The following NEDD4 variants were observed in gnomAD, a reference collection of about 807,000 sequenced individuals.
The protein encoded by NEDD4 is NEDD4 E3 ubiquitin protein ligase.
NEDD4 carries 99 observed loss-of-function variants against 144.9 expected under a neutral mutation model. That is an observed-to-expected ratio of 0.68 (90% CI 0.58 to 0.81). The LOEUF (loss-of-function observed/expected upper bound fraction) is 0.81, where lower values mean the gene tolerates loss of function less well. Among genes scored for constraint, NEDD4 ranks in the 30% least tolerant of loss-of-function variants. The pLI, the probability that NEDD4 is intolerant of heterozygous loss-of-function variation, is 0.00. For missense variants in NEDD4, 985 were observed against 1,065.9 expected, an observed-to-expected ratio of 0.92 and a Z score of 1.06; for synonymous variants, 318 against 350.6, an observed-to-expected ratio of 0.91 and a Z score of 1.04.
chr15:55,988,487 T>TAAAAAAAA (rs56688563), intron 1 of NEDD4, among the ~76,000 whole-genome samples: 108 of 101,596 alleles, frequency 1.1e-3, no homozygotes, highest in Middle Eastern at 6.8e-3. Flanking sequence ...AAAAAAAAAT[T>TAAAAAAAA]AAAAAAAAAA....
intron 2 of NEDD4, among the ~76,000 whole-genome samples, chr15:55,958,305 C>T (rs143087964): frequency 3.9e-5 from 6 of 152,234 alleles, no homozygotes; most frequent in Admixed American, 3.9e-4. Flanking sequence ...TTCTACTTTA[C>T]TGTATTAATA....
Position 55,966,696 on chromosome 15 carries a change from C to G in NEDD4, c.46-150G>C, listed in dbSNP as rs12437795. The G allele has an allele frequency of 0.13, 56,534 of 431,878 alleles. 4,291 individuals carry two copies. The highest frequency in any genetic ancestry group is 0.31 in the East Asian group (7,904 of 25,802). 26.8% of individuals were successfully genotyped at this position (431,878 alleles called of 1,614,324 possible). On this transcript the variant is annotated intron_variant, in intron 1 of 28. Coordinates refer to ENST00000435532, the MANE Select transcript of NEDD4 (RefSeq NM_006154.4). ...ATAATTAATTTTATTAAAAGTTACA[C>G]GGGAAAAAAAGAAAATTATTTGTAG...
At chr15:55,880,151 G>GCA (rs2035133676) in intron 5 of NEDD4, among the ~76,000 whole-genome samples, 1 of 152,108 alleles carries the variant, frequency 6.6e-6, no homozygotes. Flanking sequence ...AATCAGCAGG[G>GCA]CATAGTGGTA....
At chr15:55,902,887 G>A (rs189138969) in intron 5 of NEDD4, among the ~76,000 whole-genome samples, 2 of 152,208 alleles carry the variant, frequency 1.3e-5, no homozygotes, top group East Asian at 1.9e-4. Context: ...TGTAATCGCC[G>A]CTAGTCAGGA....
chr15:55,850,781 A>G (rs767471114), intron 13 of NEDD4, 39 bp from the exon 14 acceptor site: 1 of 1,560,464 alleles, frequency 6.4e-7, no homozygotes, highest in Non-Finnish European at 8.7e-7. Flanking sequence ...TATTTTATAG[A>G]GAGAACTCAC....
rs1307220250 is a variant in NEDD4 at position 55,839,702 on chromosome 15, G to T, written c.2031+745C>A. Among the ~76,000 whole-genome samples, 4 of 151,884 alleles carry T rather than the reference G, an allele frequency of 2.6e-5. No homozygotes were observed. The East Asian group carries it at 7.8e-4, about 29-fold the overall frequency. The stretch of plus-strand genomic sequence containing the variant: ...TAAAAAATATACACCATTTGGCCAG[G>T]TGCGGTGGCTCATGCCTGTAATCCC... On this transcript the variant is annotated intron_variant, in intron 21 of 28. Transcript: ENST00000435532.
chr15:55,945,269 A>C (rs1049868487), intron 4 of NEDD4, among the ~76,000 whole-genome samples: 34 of 151,054 alleles, frequency 2.3e-4, no homozygotes, highest in African/African-American at 8.4e-4. Context: ...ACCTTGAAAA[A>C]AGGTTAGCCC....
chr15:55,844,511 A>T (rs1054204639), intron 18 of NEDD4, among the ~76,000 whole-genome samples: 4 of 152,166 alleles, frequency 2.6e-5, no homozygotes, highest in Non-Finnish European at 5.9e-5. Context: ...AGTAGTAGAC[A>T]AGTGCATGCA....
chr15:55,905,598 T>C (rs1028182795), intron 5 of NEDD4, among the ~76,000 whole-genome samples: 1 of 152,166 alleles, frequency 6.6e-6, no homozygotes, highest in Admixed American at 6.5e-5. Context: ...AAGTAAAATA[T>C]TCTCAGAGAA....
At chr15:55,910,961 C>G (rs2036252719) in intron 5 of NEDD4, among the ~76,000 whole-genome samples, 1 of 152,134 alleles carries the variant, frequency 6.6e-6, no homozygotes, top group African/African-American at 2.4e-5. Context: ...CGAAGACCCC[C>G]TTCTTTGTCT....
At chr15:55,883,696 A>AC (rs2035281924) in intron 5 of NEDD4, among the ~76,000 whole-genome samples, 1 of 112,126 alleles carries the variant, frequency 8.9e-6, no homozygotes, top group Admixed American at 8.6e-5. Context: ...CACACACACA[A>AC]ACACACACAC....
Position 55,848,797 on chromosome 15 carries a change from T to A in NEDD4, c.1428+9A>T, listed in dbSNP as rs12232351. The A allele has an allele frequency of 0.33, 527,307 of 1,608,450 alleles. 88,007 individuals are homozygous for A. The highest frequency in any genetic ancestry group is 0.43 in the South Asian group (39,337 of 90,614). On this transcript the variant is annotated intron_variant, in intron 15 of 28. Transcript: ENST00000435532. ...CAAGTTAGATGGGTTAGCATTTCTA[T>A]ACACTTACAGGTAAAGGCCCTAGAT...
rs79449359 is a variant in NEDD4 at position 55,990,234 on chromosome 15, T to C, written c.45+3277A>G. 3.3e-5 allele frequency among the ~76,000 whole-genome samples: 5 copies of C among 152,172 alleles called. No individual in the cohort carries two copies. The East Asian group carries it at 7.7e-4, about 24-fold the overall frequency. On this transcript the variant is annotated intron_variant, in intron 1 of 28. Transcript: ENST00000435532. ...CCATACATGTAATGTGCTTGAATCA[T>C]CCTGAAACCACTGGACCGCATCCCC... is the stretch of plus-strand genomic sequence containing the variant.
At position 55,829,804 on chromosome 15, in the gene NEDD4, G is replaced by T; in HGVS notation, c.*93C>A. On this transcript the variant is annotated 3_prime_UTR_variant, in exon 29 of 29. Coordinates refer to ENST00000435532, the MANE Select transcript of NEDD4 (RefSeq NM_006154.4). ...TCTTCAAGATCTGGGAAGACTCAGT[G>T]GCCACATTTTAGTAGTTCCCCGGAA... 1.3e-6 allele frequency: 1 copy of T among 772,614 alleles called. No homozygotes were observed. Among genetic ancestry groups the T allele is most frequent in the African/African-American group, 1.7e-5 (1 of 57,504 alleles). 47.9% of individuals were successfully genotyped at this position (772,614 alleles called of 1,614,324 possible). A position where few individuals can be genotyped will look rare whatever the true frequency, so the allele number is the denominator to read the frequency against.
At chr15:55,873,417 T>C (rs2034877220) in intron 6 of NEDD4, among the ~76,000 whole-genome samples, 2 of 152,242 alleles carry the variant, frequency 1.3e-5, no homozygotes, top group African/African-American at 4.8e-5. Context: ...CAAAACAAAA[T>C]GGCTTTTCTT....
At chr15:55,969,220 C>T (rs2037568246) in intron 1 of NEDD4, among the ~76,000 whole-genome samples, 1 of 152,166 alleles carries the variant, frequency 6.6e-6, no homozygotes, top group African/African-American at 2.4e-5. Context: ...TCAGCTTGCA[C>T]CCATGGAGGG....
intron 2 of NEDD4, among the ~76,000 whole-genome samples, chr15:55,958,856 A>G (rs2037381795): frequency 6.6e-6 from 1 of 150,412 alleles, no homozygotes; most frequent in South Asian, 2.1e-4. Context: ...CACAGGGTCT[A>G]TAGCAATGCC....
intron 5 of NEDD4, chr15:55,917,097 T>C: frequency 8.4e-7 from 1 of 1,193,998 alleles, no homozygotes; most frequent in Non-Finnish European, 1.0e-6. Flanking sequence ...AAGCACTTGA[T>C]TTCCAGCGAC....
At chr15:55,873,505 T>C (rs1275396563) in intron 6 of NEDD4, among the ~76,000 whole-genome samples, 3 of 152,240 alleles carry the variant, frequency 2.0e-5, no homozygotes, top group South Asian at 2.1e-4. Flanking sequence ...CTTATTTTCT[T>C]AAGCCTCCAT....
Sources: gnomAD v4.1 joint callset for allele counts (sites outside exome capture counted in the v4.1 genomes callset) on GRCh38, gnomAD v4.1.1 for gene constraint, MANE v1.5 for transcripts, NCBI Gene and HGNC (gene_info 2026-07-23, HGNC 2026-07-21) for gene names.